PROM1: variants seen among roughly 807,000 people sequenced by gnomAD.
PROM1 encodes the protein prominin-1.
A neutral mutation model predicts 116.9 loss-of-function variants in PROM1; 105 were observed. The ratio of observed to expected loss-of-function variants is 0.90; its 90% CI spans 0.77 to 1.06. The LOEUF is 1.06. Among genes scored for constraint, PROM1 ranks in the 50% least tolerant of loss-of-function variants. The pLI is 0.00. For synonymous variants in PROM1, 393 were observed against 387.0 expected (o/e 1.02, Z -0.18); for missense variants, 1,122 against 1,045.2 (o/e 1.07, Z -1.01).
chr4:15,977,844 C>T (rs952985092), intron 26 of PROM1, among the ~76,000 whole-genome samples: 15 of 152,302 alleles, frequency 9.8e-5, no homozygotes, highest in East Asian at 1.9e-4. Context: ...GTGATCCACC[C>T]GCCTCGGCTT....
rs559085602 is a variant in PROM1, at chr4:15,989,698, T to A, written c.2076+34A>T. ...CTAGCTGCAGTAGATTTTGCTCAGGTCACAGTGAAATACAATACGTCGTTG... is the reference window on the plus strand; with the variant it reads ...CTAGCTGCAGTAGATTTTGCTCAGGACACAGTGAAATACAATACGTCGTTG... On this transcript the variant is annotated intron_variant, in intron 19 of 27. Transcript: ENST00000447510. 4 of 1,523,126 alleles carry A rather than the reference T, an allele frequency of 2.6e-6. No homozygotes were observed. The South Asian group carries it at 4.7e-5, about 18-fold the overall frequency. The allele number at this position is 1,523,126 out of a possible 1,614,324, so 94.4% of individuals were successfully genotyped here. A position where few individuals can be genotyped will look rare whatever the true frequency, so the allele number is the denominator to read the frequency against.
In PROM1 at chr4:16,016,234, G is replaced by A. The variant is rs1484591441; in HGVS notation, c.1009C>T (p.Pro337Ser). ...ACGTTGTCAAGTTCTGCATCCACGG[G>A]TGGAAGCTGAAAATTTATAAAACAA... is the stretch of plus-strand genomic sequence containing the variant. ...NSNPELRQLP[P>S]VDAELDNVNN... is the part of the protein sequence containing the mutation. Residue 337 changes from proline to serine, a missense_variant, in exon 10 of 28, where the codon CCC (proline) becomes TCC (serine). Pro to Ser is a moderately conservative substitution (Grantham distance 74). Coordinates refer to ENST00000447510, the MANE Select transcript of PROM1 (RefSeq NM_006017.3). 3 of 1,549,198 alleles carry A rather than the reference G, an allele frequency of 1.9e-6. No homozygotes were observed. Among genetic ancestry groups the A allele is most frequent in the South Asian group, 1.2e-5 (1 of 82,714 alleles).
At chr4:16,033,678 C>T (rs1022902244) in intron 4 of PROM1, among the ~76,000 whole-genome samples, 169 bp from the exon 5 acceptor site, 1 of 147,160 alleles carries the variant, frequency 6.8e-6, no homozygotes, top group Non-Finnish European at 1.5e-5. Context: ...CAACCTCTGC[C>T]TCCTGGGTTC....
At chr4:16,061,762 T>C (rs1033062750) in intron 2 of PROM1, among the ~76,000 whole-genome samples, 1 of 152,214 alleles carries the variant, frequency 6.6e-6, no homozygotes, top group South Asian at 2.1e-4. Context: ...AACAGGGCCA[T>C]GGTCCTTCTG....
At chr4:15,972,912 A>G (rs1714976965) in intron 26 of PROM1, among the ~76,000 whole-genome samples, 1 of 152,212 alleles carries the variant, frequency 6.6e-6, no homozygotes, top group Admixed American at 6.5e-5. Context: ...CGGACAACAG[A>G]GAGAAGTTGG....
chr4:16,032,225 G>A (rs1330007032), intron 5 of PROM1, among the ~76,000 whole-genome samples: 1 of 151,472 alleles, frequency 6.6e-6, no homozygotes, highest in East Asian at 1.9e-4. Context: ...CTGTCATGGT[G>A]ACTGGTATCA....
intron 2 of PROM1, among the ~76,000 whole-genome samples, chr4:16,064,953 T>C (rs1043386370): frequency 1.3e-5 from 2 of 152,138 alleles, no homozygotes; most frequent in African/African-American, 4.8e-5. Flanking sequence ...GTCCCAAGAA[T>C]CTGCATTTAT....
chr4:15,976,069 G>A, intron 26 of PROM1: 2 of 423,754 alleles, frequency 4.7e-6, no homozygotes, highest in South Asian at 3.4e-5. Context: ...TGTATGAAGT[G>A]CTAGGCCCTT....
intron 19 of PROM1, 114 bp from the exon 20 acceptor site, chr4:15,987,830 G>A: frequency 2.6e-6 from 2 of 782,672 alleles, no homozygotes; most frequent in South Asian, 3.5e-5. Context: ...CACTGTAATG[G>A]TTTCATTCTA....
chr4:16,055,980 G>A (rs1409987274), intron 2 of PROM1, among the ~76,000 whole-genome samples: 3 of 152,134 alleles, frequency 2.0e-5, no homozygotes, highest in African/African-American at 7.2e-5. Context: ...AAGTGACTCT[G>A]TCCATATTCT....
chr4:15,984,108 G>C (rs1256884085), intron 23 of PROM1, among the ~76,000 whole-genome samples, 155 bp downstream of exon 23: 2 of 152,104 alleles, frequency 1.3e-5, no homozygotes, highest in East Asian at 3.8e-4. Flanking sequence ...GACTTTTCTA[G>C]TCTATTAGCA....
chr4:16,041,470 C>T (rs1735212646), intron 2 of PROM1, among the ~76,000 whole-genome samples: 1 of 152,058 alleles, frequency 6.6e-6, no homozygotes, highest in Non-Finnish European at 1.5e-5. Flanking sequence ...CATGGAACAC[C>T]ATCTTTACTT....
chr4:16,064,946 C>T (rs1741177608), intron 2 of PROM1, among the ~76,000 whole-genome samples: 1 of 152,036 alleles, frequency 6.6e-6, no homozygotes, highest in Non-Finnish European at 1.5e-5. Flanking sequence ...GGGATGGGTC[C>T]CAAGAATCTG....
intron 6 of PROM1, 119 bp downstream of exon 6, chr4:16,025,073 C>T (rs17478392): frequency 0.038 from 46,688 of 1,225,398 alleles, 1,100 homozygotes; most frequent in Middle Eastern, 0.076. Flanking sequence ...ACAGATAACA[C>T]CAGTCTACGC....
intron 18 of PROM1, 42 bp downstream of exon 18, chr4:15,991,180 T>A (rs1482082566): frequency 6.5e-7 from 1 of 1,526,952 alleles, no homozygotes; most frequent in Non-Finnish European, 9.0e-7. Flanking sequence ...ACATTTGACA[T>A]CTACAACTAC....
chr4:16,028,425 A>C (rs1731860640), intron 5 of PROM1, among the ~76,000 whole-genome samples: 1 of 152,182 alleles, frequency 6.6e-6, no homozygotes, highest in Admixed American at 6.5e-5. Context: ...CCCATTATCC[A>C]CAAAAATCTG....
At chr4:16,047,853 G>A (rs1348280027) in intron 2 of PROM1, among the ~76,000 whole-genome samples, 3 of 151,964 alleles carry the variant, frequency 2.0e-5, no homozygotes, top group Admixed American at 1.3e-4. Flanking sequence ...CAGCAATCGG[G>A]GCCCAGTGAG....
rs2149079096 is a variant in PROM1, at chr4:15,985,832, G to C, written c.2212-4C>G. ...TTCTCCCATACTTCTTAGTTTCCTGGAAAGAAACAAAAGATGAGTAGAAGC... is the reference window on the plus strand; with the variant it reads ...TTCTCCCATACTTCTTAGTTTCCTGCAAAGAAACAAAAGATGAGTAGAAGC... On this transcript the variant is annotated splice_region_variant and splice_polypyrimidine_tract_variant and intron_variant, in intron 21 of 27. Transcript: ENST00000447510. The C allele has an allele frequency of 9.8e-7, 1 of 1,016,112 alleles. No individual in the cohort carries two copies. Among genetic ancestry groups the C allele is most frequent in the Non-Finnish European group, 1.2e-6 (1 of 824,304 alleles). The allele number at this position is 1,016,112 out of a possible 1,614,324, so 62.9% of individuals were successfully genotyped here.
intron 1 of PROM1, among the ~76,000 whole-genome samples, chr4:16,081,117 T>C (rs1744961158): frequency 6.6e-6 from 1 of 151,980 alleles, no homozygotes; most frequent in Admixed American, 6.6e-5. Context: ...ACAATGTGCA[T>C]GTTTGTTACA....
Sources: gnomAD v4.1 joint callset for allele counts (sites outside exome capture counted in the v4.1 genomes callset) on GRCh38, gnomAD v4.1.1 for gene constraint, MANE v1.5 for transcripts, NCBI Gene and HGNC (gene_info 2026-07-23, HGNC 2026-07-21) for gene names.